Variants in POC1B observed in about 807,000 individuals in gnomAD.
POC1B encodes POC1 centriolar protein B, also known as POC1 centriolar protein homolog B.
Under a neutral mutation model 60.6 loss-of-function variants are expected in POC1B, and 44 were observed. That is an observed-to-expected ratio of 0.73 (90% CI 0.57 to 0.93). The LOEUF is 0.93. Among genes scored for constraint, POC1B ranks in the 40% least tolerant of loss-of-function variants. The pLI is 0.00. For missense variants in POC1B, 555 were observed against 572.3 expected, an observed-to-expected ratio of 0.97 and a Z score of 0.31; for synonymous variants, 180 against 198.9, an observed-to-expected ratio of 0.90 and a Z score of 0.80.
chr12:89,443,373 T>C (rs1881618444), intron 10 of POC1B, among the ~76,000 whole-genome samples: 1 of 152,148 alleles, frequency 6.6e-6, no homozygotes, highest in South Asian at 2.1e-4. Flanking sequence ...ACTCAGCAAA[T>C]GTAAAAGAAC....
At chr12:89,408,531 G>C in the POC1B span, among the ~76,000 whole-genome samples, 3 of 151,156 alleles carry the variant, frequency 2.0e-5, no homozygotes, top group Non-Finnish European at 4.4e-5. Context: ...TGTCACCCAG[G>C]CTGGAGTGCA....
chr12:89,508,827 G>T (rs10858889), intron 2 of POC1B, among the ~76,000 whole-genome samples: 1 of 152,054 alleles, frequency 6.6e-6, no homozygotes, highest in East Asian at 1.9e-4. Context: ...TGTCTCTCCT[G>T]CTGCCATGTG....
intron 10 of POC1B, among the ~76,000 whole-genome samples, chr12:89,436,857 G>T (rs369773055): frequency 2.0e-5 from 3 of 152,046 alleles, no homozygotes; most frequent in Non-Finnish European, 4.4e-5. Flanking sequence ...AGCAGTTTAC[G>T]GGTCACCCTG....
chr12:89,520,356 T>C (rs1870744888), intron 2 of POC1B: 1 of 151,920 alleles, frequency 6.6e-6, no homozygotes, highest in Admixed American at 6.6e-5. Context: ...CGTTCTCCCA[T>C]ATAACAGGTG....
chr12:89,450,206 C>T (rs983790482), intron 10 of POC1B, among the ~76,000 whole-genome samples: 4 of 151,376 alleles, frequency 2.6e-5, no homozygotes, highest in Non-Finnish European at 5.9e-5. Context: ...AGAGGTAAAT[C>T]TTCTTCTTTT....
intron 10 of POC1B, among the ~76,000 whole-genome samples, chr12:89,442,344 G>A (rs893794485): frequency 6.6e-6 from 1 of 152,150 alleles, no homozygotes; most frequent in Non-Finnish European, 1.5e-5. Flanking sequence ...AATGTTAAGG[G>A]CAGGCAGAGA....
intron 10 of POC1B, among the ~76,000 whole-genome samples, chr12:89,445,994 C>A (rs1037487796): frequency 6.6e-6 from 1 of 152,144 alleles, no homozygotes; most frequent in East Asian, 1.9e-4. Context: ...CCAACAGACA[C>A]ATGAAAAAAT....
Position 89,525,132 on chromosome 12 carries a change from C to T in POC1B, c.88G>A (p.Gly30Ser), listed in dbSNP as rs1456154895. 3 of 1,614,052 alleles carry T rather than the reference C, an allele frequency of 1.9e-6. No homozygotes were observed. The highest frequency in any genetic ancestry group is 2.2e-5 in the East Asian group (1 of 44,876). ...AITSLDLSPNGKQLATASWDT... is the reference protein window; with the variant it reads ...AITSLDLSPNSKQLATASWDT... Reference sequence around the variant, plus strand: ...GAATAAGACTTACCAAGTTGCTTGCCGTTGGGGCTGAGGTCCAAGGAGGTG... The same window carrying T: ...GAATAAGACTTACCAAGTTGCTTGCTGTTGGGGCTGAGGTCCAAGGAGGTG... The change falls in exon 2 of 12, where the codon GGC (glycine) becomes AGC (serine). Residue 30 changes from glycine to serine, a missense_variant. Transcript: ENST00000313546.
intron 2 of POC1B, chr12:89,523,517 C>G (rs1178273799): frequency 6.2e-7 from 1 of 1,608,612 alleles, no homozygotes; most frequent in Admixed American, 1.7e-5. Context: ...CACTGCCACA[C>G]CCTAAAAGAC....
At chr12:89,416,730 C>A (rs1403628249), downstream of POC1B, among the ~76,000 whole-genome samples, 1 of 152,080 alleles carries the variant, frequency 6.6e-6, no homozygotes, top group Non-Finnish European at 1.5e-5. Flanking sequence ...AAGCCAGAGA[C>A]CTAATTTAGT....
intron 4 of POC1B, among the ~76,000 whole-genome samples, chr12:89,490,740 G>GT (rs1688578622): frequency 6.6e-6 from 1 of 152,130 alleles, no homozygotes; most frequent in South Asian, 2.1e-4. Flanking sequence ...TGGCCAACAG[G>GT]TAACAACACC....
intron 10 of POC1B, among the ~76,000 whole-genome samples, chr12:89,454,315 C>T (rs189323260): frequency 6.0e-4 from 91 of 152,208 alleles, no homozygotes; most frequent in African/African-American, 2.0e-3. Context: ...CAAAATACAC[C>T]CAGAATCCGA....
intron 4 of POC1B, among the ~76,000 whole-genome samples, chr12:89,486,916 GACACACAC>G (rs60433981): frequency 1.3e-5 from 2 of 148,676 alleles, no homozygotes; most frequent in African/African-American, 2.5e-5. Flanking sequence ...CACACACACA[GACACACAC>G]ACACACACAG....
chr12:89,470,611 A>G, intron 6 of POC1B, 117 bp from the exon 7 acceptor site: 1 of 762,008 alleles, frequency 1.3e-6, no homozygotes, highest in Non-Finnish European at 1.9e-6. Flanking sequence ...CAACAACAAA[A>G]CTCTATATGG....
chr12:89,525,330 G>A, intron 1 of POC1B, 126 bp from the exon 2 acceptor site: 1 of 1,447,408 alleles, frequency 6.9e-7, no homozygotes, highest in East Asian at 2.6e-5. Context: ...GCTTGGCTGG[G>A]CGGCGGGGCC....
Position 89,471,678 on chromosome 12 carries a change from T to G in POC1B, c.612A>C (p.Ala204=). The G allele has an allele frequency of 3.7e-6, 6 of 1,611,878 alleles. No homozygotes were observed. The highest frequency in any genetic ancestry group is 5.1e-6 in the Non-Finnish European group (6 of 1,178,980). The change falls in exon 6 of 12, where the codon GCA becomes GCC. Residue 204 remains alanine, a synonymous_variant. Transcript: ENST00000313546. ...FNPSGTCIAS[A]GSDQTVKVWD... Reference sequence around the variant, plus strand: ...AGACTTTCACAGTTTGATCAGAACCTGCTGAAGCTATGCATGTACCACTAG... The same window carrying G: ...AGACTTTCACAGTTTGATCAGAACCGGCTGAAGCTATGCATGTACCACTAG...
intron 7 of POC1B, among the ~76,000 whole-genome samples, chr12:89,468,446 TC>T (rs1186404042): frequency 6.6e-6 from 1 of 152,206 alleles, no homozygotes; most frequent in Non-Finnish European, 1.5e-5. Flanking sequence ...TTTTAATATG[TC>T]CTTAATCTGT....
intron 2 of POC1B, chr12:89,523,404 T>C: frequency 1.2e-6 from 2 of 1,614,058 alleles, no homozygotes; most frequent in Non-Finnish European, 1.7e-6. Context: ...AAACTTCTGC[T>C]GCCCGAGCAG....
chr12:89,418,870 C>G (rs1398208124), downstream of POC1B, among the ~76,000 whole-genome samples: 2 of 152,122 alleles, frequency 1.3e-5, no homozygotes, highest in East Asian at 3.9e-4. Context: ...TATAAATTAT[C>G]CAGCCTCAGG....
Sources: allele counts gnomAD v4.1 joint callset (sites outside exome capture counted in the v4.1 genomes callset), GRCh38; gene constraint gnomAD v4.1.1; transcripts MANE v1.5; gene names NCBI Gene and HGNC (gene_info 2026-07-23, HGNC 2026-07-21).